The following LY75 variants were observed in gnomAD, a reference collection of about 807,000 sequenced individuals.
LY75 encodes lymphocyte antigen 75, also known as C-type lectin domain family 13 member B.
A neutral mutation model predicts 231.7 loss-of-function variants in LY75; 185 were observed. That is an observed-to-expected ratio of 0.80 (90% CI 0.71 to 0.90). The LOEUF is 0.90. LY75 is among the 40% of genes least tolerant of loss of function. The pLI is 0.00. For synonymous variants in LY75, 668 were observed against 689.0 expected, an observed-to-expected ratio of 0.97 and a Z score of 0.48; for missense variants, 1,947 against 2,050.2, an observed-to-expected ratio of 0.95 and a Z score of 0.97.
Position 159,810,575 on chromosome 2 carries a change from A to C in LY75, c.4650T>G (p.Asp1550Glu), listed in dbSNP as rs1375956213. The change falls in exon 32 of 35, where the codon GAT (aspartate) becomes GAG (glutamate). Residue 1550 changes from aspartate to glutamate, a missense_variant. By Grantham distance (45) the Asp-to-Glu change is conservative. Transcript: ENST00000263636. The stretch of plus-strand genomic sequence containing the variant: ...CCTCTGAAAAACTGTGCAATGCCTG[A>C]TCAGACTTGTAACAGTGACCCTTGT... ...IQYKGHCYKS[D>E]QALHSFSEAK... 1 of 1,614,068 alleles carries C rather than the reference A, an allele frequency of 6.2e-7. No homozygotes were observed. Among genetic ancestry groups the C allele is most frequent in the Non-Finnish European group, 8.5e-7 (1 of 1,180,038 alleles).
chr2:159,830,995 T>C (rs1683638507), intron 28 of LY75, among the ~76,000 whole-genome samples: 1 of 152,214 alleles, frequency 6.6e-6, no homozygotes, highest in South Asian at 2.1e-4. Context: ...TCATCTCACA[T>C]AGTTAGTGGA....
intron 11 of LY75, among the ~76,000 whole-genome samples, chr2:159,877,009 C>CAAAAAA (rs58831835): frequency 1.2e-3 from 109 of 90,460 alleles, no homozygotes; most frequent in Non-Finnish European, 1.4e-3. Flanking sequence ...AACTCCATCT[C>CAAAAAA]AAAAAAAAAA....
intron 12 of LY75, 100 bp from the exon 13 acceptor site, chr2:159,872,693 A>G: frequency 7.4e-7 from 1 of 1,352,292 alleles, no homozygotes; most frequent in Non-Finnish European, 1.0e-6. Context: ...CCTGAAATGA[A>G]TTCTTAAAGG....
intron 28 of LY75, among the ~76,000 whole-genome samples, chr2:159,829,542 C>T (rs1007853997): frequency 3.9e-5 from 6 of 152,018 alleles, no homozygotes; most frequent in African/African-American, 1.2e-4. Context: ...TCTATATCAA[C>T]GTAACCAAAA....
At position 159,893,729 on chromosome 2, in the gene LY75, C is replaced by T. The variant is rs558809647; in HGVS notation, c.637+185G>A. On this transcript the variant is annotated intron_variant, in intron 3 of 34. Transcript: ENST00000263636. ...GACACCATCCGCCTTGGTTCACTTC[C>T]GGGCCTGCTTCTGAAGGCAAATTCA... Among the ~76,000 whole-genome samples the T allele has an allele frequency of 9.8e-5, 15 of 152,286 alleles. No homozygotes were observed. The South Asian group carries it at 2.1e-3, about 21-fold the overall frequency.
chr2:159,892,176 T>G (rs116650458), intron 3 of LY75, among the ~76,000 whole-genome samples: 1 of 152,184 alleles, frequency 6.6e-6, no homozygotes, highest in African/African-American at 2.4e-5. Flanking sequence ...AAACTCTCCA[T>G]GTGATTCTGT....
At chr2:159,876,494 G>A (rs1685269414) in intron 11 of LY75, among the ~76,000 whole-genome samples, 2 of 152,130 alleles carry the variant, frequency 1.3e-5, no homozygotes, top group Non-Finnish European at 2.9e-5. Flanking sequence ...TTGCTACCCT[G>A]AATGGGTGTG....
At chr2:159,838,803 T>TAA (rs1174133329) in intron 25 of LY75, among the ~76,000 whole-genome samples, 14 of 148,446 alleles carry the variant, frequency 9.4e-5, no homozygotes, top group Non-Finnish European at 2.0e-4. Context: ...ATTAATTAAT[T>TAA]TTTTTATTTA....
chr2:159,884,880 C>G (rs553672646), intron 6 of LY75, among the ~76,000 whole-genome samples: 1 of 152,228 alleles, frequency 6.6e-6, no homozygotes, highest in African/African-American at 2.4e-5. Context: ...GAGCCACACA[C>G]GAACAGAAGT....
At chr2:159,875,171 C>A (rs1048797742) in intron 12 of LY75, among the ~76,000 whole-genome samples, 3 of 151,492 alleles carry the variant, frequency 2.0e-5, no homozygotes, top group Non-Finnish European at 4.4e-5. Context: ...GGCAGTATGG[C>A]ATATAGTACA....
In LY75 at chr2:159,872,590, A is replaced by G; in HGVS notation, c.1978T>C (p.Phe660Leu). ...FPASLSCYKV[F>L]HAERIVRKRN... ...TTTCTTACAATTCTTTCTGCATGGA[A>G]TACCTTAGCAAAATATAATATTAAT... Residue 660 changes from phenylalanine to leucine, a missense_variant, in exon 13 of 35, where the codon TTC becomes CTC. Phe to Leu is a conservative substitution (Grantham distance 22). Coordinates refer to ENST00000263636, the MANE Select transcript of LY75 (RefSeq NM_002349.4). The G allele has an allele frequency of 6.2e-7, 1 of 1,611,522 alleles. No homozygotes were observed. Among genetic ancestry groups the G allele is most frequent in the Non-Finnish European group, 8.5e-7 (1 of 1,179,256 alleles).
Position 159,874,927 on chromosome 2 carries a change from TA to T in LY75, c.1974+516del, listed in dbSNP as rs528381560. On this transcript the variant is annotated intron_variant, in intron 12 of 34. Coordinates refer to ENST00000263636, the MANE Select transcript of LY75 (RefSeq NM_002349.4). The stretch of plus-strand genomic sequence containing the variant: ...CATATATATTTTATAAATATATTTA[TA>T]AATATATATATTGTAAATATATTTA... 1.2e-3 allele frequency among the ~76,000 whole-genome samples: 165 copies of T among 138,472 alleles called. 3 individuals carry two copies. Among genetic ancestry groups the T allele is most frequent in the African/African-American group, 4.1e-3 (154 of 37,808 alleles). 90.8% of individuals were successfully genotyped at this position (138,472 alleles called of 152,430 possible). A position where few individuals can be genotyped will look rare whatever the true frequency, so the allele number is the denominator to read the frequency against.
intron 32 of LY75, among the ~76,000 whole-genome samples, chr2:159,808,807 G>A (rs1422355011): frequency 6.6e-6 from 1 of 152,018 alleles, no homozygotes; most frequent in Non-Finnish European, 1.5e-5. Context: ...TATTTATCTG[G>A]CAATATTTTT....
chr2:159,898,609 T>G, intron 2 of LY75, 79 bp downstream of exon 2: 1 of 1,540,512 alleles, frequency 6.5e-7, no homozygotes, highest in South Asian at 1.3e-5. Flanking sequence ...CGACTCTATT[T>G]TTACTAAATT....
At position 159,850,367 on chromosome 2, in the gene LY75, T is replaced by C. The variant is rs1684345448; in HGVS notation, c.2984A>G (p.Glu995Gly). The change falls in exon 22 of 35, where the codon GAA becomes GGA. Residue 995 changes from glutamate (E) to glycine (G), a missense_variant. Glu to Gly is a moderately conservative substitution (Grantham distance 98). Transcript: ENST00000263636. ...TTCCCAAATAATTCCAGTACCTTGT[T>C]CAATCTGGCTCAACACTGAAGGAAG... Reference protein sequence around the residue: ...GTLPSVLSQIEQDFITSLLPD... With the variant: ...GTLPSVLSQIGQDFITSLLPD... The C allele has an allele frequency of 1.9e-6, 3 of 1,613,694 alleles. No homozygotes were observed. In the African/African-American group the frequency reaches 4.0e-5, roughly 22 times the overall value.
intron 6 of LY75, among the ~76,000 whole-genome samples, chr2:159,882,868 C>T (rs1377257414): frequency 6.6e-6 from 1 of 152,006 alleles, no homozygotes; most frequent in Admixed American, 6.6e-5. Context: ...GCAAAGGTTA[C>T]CCCTGGACTT....
rs1683099729 is a variant in LY75 at position 159,815,575 on chromosome 2, T to G, written c.4381-2A>C. ...CCATTCAAAACTTGATTCACTTCCC[T>G]GTTGTAAGAACAATAGAGATAACCT... On this transcript the variant is annotated splice_acceptor_variant, in intron 30 of 34. Transcript: ENST00000263636. LOFTEE classifies it high-confidence loss of function. The G allele has an allele frequency of 3.1e-6, 5 of 1,611,636 alleles. No individual in the cohort carries two copies. Among genetic ancestry groups the G allele is most frequent in the Non-Finnish European group, 4.2e-6 (5 of 1,179,468 alleles).
chr2:159,881,255 T>C lies in LY75; in HGVS notation c.1247-15A>G. The C allele has an allele frequency of 3.7e-6, 6 of 1,605,570 alleles. No individual in the cohort carries two copies. The highest frequency in any genetic ancestry group is 5.1e-6 in the Non-Finnish European group (6 of 1,176,486). On this transcript the variant is annotated splice_polypyrimidine_tract_variant and intron_variant, in intron 7 of 34. Transcript: ENST00000263636. ...TTCTTTGATATCTAAAAGAAAAATGTATTATTTGTTTGGTTTTGCTCAATT... is the reference window on the plus strand; with the variant it reads ...TTCTTTGATATCTAAAAGAAAAATGCATTATTTGTTTGGTTTTGCTCAATT...
At chr2:159,839,350 C>G (rs1161579394) in intron 25 of LY75, among the ~76,000 whole-genome samples, 1 of 152,086 alleles carries the variant, frequency 6.6e-6, no homozygotes, top group Non-Finnish European at 1.5e-5. Context: ...TTTAAAAATC[C>G]CTTATTTAAT....
Sources: gnomAD v4.1 joint callset for allele counts (sites outside exome capture counted in the v4.1 genomes callset) on GRCh38, gnomAD v4.1.1 for gene constraint, MANE v1.5 for transcripts, NCBI Gene and HGNC (gene_info 2026-07-23, HGNC 2026-07-21) for gene names.